MPRIP: variants seen among roughly 807,000 people sequenced by gnomAD.
The protein encoded by MPRIP is myosin phosphatase Rho interacting protein, also known as myosin phosphatase Rho-interacting protein.
MPRIP carries 59 observed loss-of-function variants against 234.9 expected under a neutral mutation model. That is an observed-to-expected ratio of 0.25 (90% confidence interval 0.20 to 0.31). MPRIP has a LOEUF of 0.31. MPRIP is among the 10% of genes least tolerant of loss of function. MPRIP has a pLI of 1.00. For synonymous variants in MPRIP, 1,144 were observed against 1,263.9 expected (o/e 0.91, Z 2.01); for missense variants, 2,436 against 3,071.0 (o/e 0.79, Z 4.89).
chr17:17,057,432 A>T (rs2088734033), intron 1 of MPRIP, among the ~76,000 whole-genome samples: 1 of 152,160 alleles, frequency 6.6e-6, no homozygotes, highest in African/African-American at 2.4e-5. Flanking sequence ...TGTTGGAAGG[A>T]GGGCTGTGGG....
In MPRIP at chr17:17,116,344, G is replaced by T. The variant is rs148567950; in HGVS notation, c.268-10358G>T. On this transcript the variant is annotated intron_variant, in intron 3 of 23. Transcript: ENST00000651222. ...CTCCGGCAGGACAGTGATAAAGGAGGCTGCTCTGTGCAGCGGGTAACCGTG... is the reference window on the plus strand; with the variant it reads ...CTCCGGCAGGACAGTGATAAAGGAGTCTGCTCTGTGCAGCGGGTAACCGTG... 1.8e-3 allele frequency among the ~76,000 whole-genome samples: 270 copies of T among 152,356 alleles called. 1 individual carries two copies. Among genetic ancestry groups the T allele is most frequent in the African/African-American group, 6.2e-3 (256 of 41,598 alleles).
At position 17,164,883 on chromosome 17, in the gene MPRIP, G is replaced by A. The variant is rs1327814534; in HGVS notation, c.3292G>A (p.Glu1098Lys). 7.7e-7 allele frequency: 1 copy of A among 1,303,974 alleles called. No individual in the cohort carries two copies. Among genetic ancestry groups the A allele is most frequent in the African/African-American group, 1.5e-5 (1 of 65,994 alleles). 80.8% of individuals were successfully genotyped at this position (1,303,974 alleles called of 1,614,324 possible). A position where few individuals can be genotyped will look rare whatever the true frequency, so the allele number is the denominator to read the frequency against. ...AREASVRRLA[E>K]HVQSLCDERD... Reference sequence around the variant, plus strand: ...AGAGGCCAGCGTGCGCAGGCTCGCAGAGCACGTGCAGAGCCTCTGTGACGA... The same window carrying A: ...AGAGGCCAGCGTGCGCAGGCTCGCAAAGCACGTGCAGAGCCTCTGTGACGA... Residue 1098 changes from glutamate (E) to lysine (K), a missense_variant, in exon 16 of 24, where the codon GAG (glutamate) becomes AAG (lysine). By Grantham distance (56) the Glu-to-Lys change is moderately conservative. Coordinates refer to ENST00000651222, the MANE Select transcript of MPRIP (RefSeq NM_001364716.4).
intron 19 of MPRIP, 34 bp from the exon 20 acceptor site, chr17:17,175,259 T>C (rs1383222046): frequency 6.2e-7 from 1 of 1,612,274 alleles, no homozygotes; most frequent in Non-Finnish European, 8.5e-7. Context: ...CCCAGGCAGC[T>C]CTGGAGTGTC....
At chr17:17,052,296 C>T (rs867694779) in intron 1 of MPRIP, among the ~76,000 whole-genome samples, 9 of 152,148 alleles carry the variant, frequency 5.9e-5, no homozygotes, top group African/African-American at 1.4e-4. Context: ...TGTTTGGCCC[C>T]GGGGCAGATG....
intron 3 of MPRIP, among the ~76,000 whole-genome samples, chr17:17,118,512 C>T (rs118154002): frequency 0.023 from 3,453 of 152,294 alleles, 103 homozygotes; most frequent in Middle Eastern, 0.085. Context: ...GGGCTCAGCC[C>T]AGCCTAGGGG....
intron 3 of MPRIP, among the ~76,000 whole-genome samples, chr17:17,082,329 C>T (rs904727977): frequency 3.8e-5 from 4 of 106,396 alleles, no homozygotes; most frequent in African/African-American, 3.7e-5. Context: ...GAGTTTCGCT[C>T]TTGTTGCCCA....
intron 1 of MPRIP, chr17:17,057,590 G>A (rs1233349073): frequency 5.6e-6 from 4 of 717,800 alleles, no homozygotes; most frequent in Non-Finnish European, 1.0e-5. Flanking sequence ...CCTTTGCTAC[G>A]CTGTTCATCA....
intron 1 of MPRIP, among the ~76,000 whole-genome samples, chr17:17,066,466 G>A (rs115129016): frequency 0.011 from 1,614 of 152,068 alleles, 13 homozygotes; most frequent in African/African-American, 0.022. Context: ...ATATTAAACC[G>A]GCATCCCTGG....
At chr17:17,136,601 C>T in intron 6 of MPRIP, 151 bp downstream of exon 6, 1 of 750,306 alleles carries the variant, frequency 1.3e-6, no homozygotes. Flanking sequence ...TAGCACCTGG[C>T]CTGGTATGTT....
At chr17:17,112,524 C>G (rs892654245) in intron 3 of MPRIP, among the ~76,000 whole-genome samples, 48 of 152,274 alleles carry the variant, frequency 3.2e-4, no homozygotes, top group Admixed American at 4.6e-4. Context: ...CCAGCCCCTC[C>G]CCAGCTGCCC....
Position 17,048,886 on chromosome 17 carries a change from T to C in MPRIP, c.123+5915T>C, listed in dbSNP as rs142389460. 2.9e-3 allele frequency among the ~76,000 whole-genome samples: 443 copies of C among 152,320 alleles called. 2 individuals carry two copies. Among genetic ancestry groups the C allele is most frequent in the African/African-American group, 0.01 (433 of 41,558 alleles). ...ATTCAAACAGATACTTGTATACAAA[T>C]GTTCATAACAGCACTACTCACAATA... On this transcript the variant is annotated intron_variant, in intron 1 of 23. Transcript: ENST00000651222.
chr17:17,163,567 T>C (rs1265134657), intron 15 of MPRIP, among the ~76,000 whole-genome samples: 1 of 152,146 alleles, frequency 6.6e-6, no homozygotes, highest in Non-Finnish European at 1.5e-5. Flanking sequence ...GACTACACTT[T>C]CCACAGGAAA....
chr17:17,147,353 G>A lies in MPRIP; in HGVS notation c.1595G>A (p.Ser532Asn), dbSNP rs1212440018. 1 of 1,614,138 alleles carries A rather than the reference G, an allele frequency of 6.2e-7. No individual in the cohort carries two copies. ...KKHWFVLADQ[S>N]LRYYRDSVAE... Reference sequence around the variant, plus strand: ...CACTGGTTTGTCCTCGCCGATCAAAGCCTGAGATACTACAGGGATTCAGTG... The same window carrying A: ...CACTGGTTTGTCCTCGCCGATCAAAACCTGAGATACTACAGGGATTCAGTG... The change falls in exon 11 of 24, where the codon AGC becomes AAC. Residue 532 changes from serine (S) to asparagine (N), a missense_variant. Ser to Asn is a conservative substitution (Grantham distance 46). Coordinates refer to ENST00000651222, the MANE Select transcript of MPRIP (RefSeq NM_001364716.4).
intron 3 of MPRIP, among the ~76,000 whole-genome samples, chr17:17,122,493 A>G (rs1282272296): frequency 1.3e-5 from 2 of 152,200 alleles, no homozygotes; most frequent in Non-Finnish European, 2.9e-5. Context: ...AGCTGGGACT[A>G]TAGACGACTG....
At chr17:17,135,794 T>C (rs2090683683) in intron 5 of MPRIP, among the ~76,000 whole-genome samples, 1 of 152,194 alleles carries the variant, frequency 6.6e-6, no homozygotes, top group Non-Finnish European at 1.5e-5. Context: ...ATTGAAACCA[T>C]AGCATTTAAT....
At chr17:17,154,471 G>T in intron 13 of MPRIP, 56 bp downstream of exon 13, 4 of 1,461,904 alleles carry the variant, frequency 2.7e-6, no homozygotes, top group East Asian at 2.3e-5. Flanking sequence ...TGCCACTCCC[G>T]CCAGGGCAGT....
rs114765387 is a variant in MPRIP, at chr17:17,098,964, A to C, written c.267+20888A>C. Among the ~76,000 whole-genome samples, 1,048 of 152,314 alleles carry C rather than the reference A, an allele frequency of 6.9e-3. 10 individuals are homozygous for C. The highest frequency in any genetic ancestry group is 0.024 in the African/African-American group (1,002 of 41,570). ...GGGTGAGGCCTACAGATATTCCAAA[A>C]GCAGGGGGTAGTGGGGTGGGGGATG... On this transcript the variant is annotated intron_variant, in intron 3 of 23. Coordinates refer to ENST00000651222, the MANE Select transcript of MPRIP (RefSeq NM_001364716.4).
chr17:17,142,537 C>G, intron 7 of MPRIP, 90 bp from the exon 8 acceptor site: 1 of 1,494,692 alleles, frequency 6.7e-7, no homozygotes, highest in East Asian at 2.3e-5. Context: ...GAATCAGGCC[C>G]GGGCCAGGCC....
rs1354747496 is a variant in MPRIP at position 17,187,276 on chromosome 17, G to A, written c.*2382G>A. On this transcript the variant is annotated 3_prime_UTR_variant, in exon 24 of 24. Coordinates refer to ENST00000651222, the MANE Select transcript of MPRIP (RefSeq NM_001364716.4). The stretch of plus-strand genomic sequence containing the variant: ...TGGAAAATTAATATGAGTGCAGCAT[G>A]TGAGGGGTCAGAGACAGGCCAGCAG... The A allele has an allele frequency of 6.6e-6, 1 of 151,798 alleles. No homozygotes were observed. The highest frequency in any genetic ancestry group is 2.4e-5 in the African/African-American group (1 of 41,208). The allele number at this position is 151,798 out of a possible 1,614,324, so 9.4% of individuals were successfully genotyped here.
Sources: allele counts gnomAD v4.1 joint callset (sites outside exome capture counted in the v4.1 genomes callset), GRCh38; gene constraint gnomAD v4.1.1; transcripts MANE v1.5; gene names NCBI Gene and HGNC (gene_info 2026-07-23, HGNC 2026-07-21).